The following ADAM23 variants were observed in gnomAD, a reference collection of about 807,000 sequenced individuals.
ADAM23 encodes ADAM metallopeptidase domain 23.
Under a neutral mutation model 120.1 loss-of-function variants are expected in ADAM23, and 33 were observed. The ratio of observed to expected loss-of-function variants is 0.27; its 90% confidence interval spans 0.21 to 0.37. The LOEUF (loss-of-function observed/expected upper bound fraction) is 0.37. Among genes scored for constraint, ADAM23 ranks in the 10% least tolerant of loss-of-function variants. The pLI is 1.00. For synonymous variants in ADAM23, 367 were observed against 375.2 expected (o/e 0.98, Z 0.25); for missense variants, 862 against 1,058.2 (o/e 0.81, Z 2.57).
chr2:206,462,001 T>C (rs1197469398), intron 2 of ADAM23, among the ~76,000 whole-genome samples: 1 of 152,132 alleles, frequency 6.6e-6, no homozygotes, highest in Non-Finnish European at 1.5e-5. Flanking sequence ...GGAACAGTGG[T>C]CAGCAGAGAG....
At chr2:206,451,265 A>T (rs751652499) in intron 2 of ADAM23, among the ~76,000 whole-genome samples, 1 of 152,204 alleles carries the variant, frequency 6.6e-6, no homozygotes, top group Non-Finnish European at 1.5e-5. Flanking sequence ...TCAAAGACAG[A>T]GTCTCACTCT....
intron 3 of ADAM23, among the ~76,000 whole-genome samples, chr2:206,490,642 G>C (rs1178259808): frequency 6.6e-6 from 1 of 152,180 alleles, no homozygotes; most frequent in South Asian, 2.1e-4. Context: ...ATATGTCCTA[G>C]AGGCCTGATA....
Position 206,560,050 on chromosome 2 carries a change from G to C in ADAM23, c.1101G>C (p.Gln367His). 1 of 1,614,168 alleles carries C rather than the reference G, an allele frequency of 6.2e-7. No homozygotes were observed. Among genetic ancestry groups the C allele is most frequent in the South Asian group, 1.1e-5 (1 of 91,078 alleles). The change falls in exon 11 of 26, where the codon CAG (glutamine) becomes CAC (histidine). Residue 367 changes from glutamine to histidine, a missense_variant. Around this residue, in one of 4 missense-constraint regions of ADAM23, gnomAD observed 617 missense variants for 813.5 expected, o/e 0.76. Transcript: ENST00000264377. ...TTGACATCACCACCAACCCTGTGCAGATGCTCCATGAGTTCTCAAAATACC... is the reference window on the plus strand; with the variant it reads ...TTGACATCACCACCAACCCTGTGCACATGCTCCATGAGTTCTCAAAATACC... Reference protein sequence around the residue: ...DQIDITTNPVQMLHEFSKYRQ... With the variant: ...DQIDITTNPVHMLHEFSKYRQ...
chr2:206,567,271 A>G lies in ADAM23; in HGVS notation c.1443A>G (p.Arg481=). ...KFSKCSILEY[R]DFLQRGGGAC... Reference sequence around the variant, plus strand: ...CAAAGTGCAGCATTTTGGAGTATAGAGACTTTTTACAGAGAGGAGGTGGAG... The same window carrying G: ...CAAAGTGCAGCATTTTGGAGTATAGGGACTTTTTACAGAGAGGAGGTGGAG... Residue 481 remains arginine (R), a synonymous_variant, in exon 15 of 26, where the codon AGA becomes AGG. Transcript: ENST00000264377. 6.2e-7 allele frequency: 1 copy of G among 1,614,008 alleles called. No individual in the cohort carries two copies. Among genetic ancestry groups the G allele is most frequent in the Non-Finnish European group, 8.5e-7 (1 of 1,179,918 alleles).
intron 3 of ADAM23, among the ~76,000 whole-genome samples, chr2:206,507,392 T>C (rs1696516921): frequency 6.6e-6 from 1 of 152,084 alleles, no homozygotes; most frequent in Admixed American, 6.6e-5. Flanking sequence ...TCTGGTTGTT[T>C]ATAAGTATGC....
chr2:206,528,178 A>ACT (rs1428695318), intron 3 of ADAM23, among the ~76,000 whole-genome samples: 2 of 152,220 alleles, frequency 1.3e-5, no homozygotes, highest in Non-Finnish European at 2.9e-5. Flanking sequence ...GAATGTAGTT[A>ACT]GGGAGACCTC....
rs528712759 is a variant in ADAM23, at chr2:206,475,474, G to T, written c.433-5758G>T. ...GAAAAACCTCTGTGATTGAAAAGAA[G>T]TGACTTCTTTTCCTCAAACTTATTT... On this transcript the variant is annotated intron_variant, in intron 2 of 25. Coordinates refer to ENST00000264377, the MANE Select transcript of ADAM23 (RefSeq NM_003812.4). 2.6e-5 allele frequency among the ~76,000 whole-genome samples: 4 copies of T among 151,978 alleles called. No homozygotes were observed. The South Asian group carries it at 8.3e-4, about 32-fold the overall frequency.
chr2:206,445,731 C>G (rs1695070899), intron 2 of ADAM23, among the ~76,000 whole-genome samples: 1 of 152,144 alleles, frequency 6.6e-6, no homozygotes, highest in African/African-American at 2.4e-5. Flanking sequence ...TAAACTGGAA[C>G]TAGAATTTTC....
chr2:206,576,721 T>G (rs1479385684), intron 18 of ADAM23, among the ~76,000 whole-genome samples: 2 of 152,190 alleles, frequency 1.3e-5, no homozygotes, highest in African/African-American at 2.4e-5. Context: ...GTGTTTTTCT[T>G]AATTTTTATA....
intron 3 of ADAM23, among the ~76,000 whole-genome samples, chr2:206,527,155 C>G (rs1489984403): frequency 1.3e-5 from 2 of 152,150 alleles, no homozygotes; most frequent in African/African-American, 4.8e-5. Flanking sequence ...CAGAGTTTGC[C>G]CACAAGTTGT....
At chr2:206,557,218 T>G (rs1039926211) in intron 9 of ADAM23, among the ~76,000 whole-genome samples, 1 of 152,166 alleles carries the variant, frequency 6.6e-6, no homozygotes, top group African/African-American at 2.4e-5. Context: ...TTGTGAGCCA[T>G]GCTGCCCAGC....
At chr2:206,536,444 G>C (rs1697178204) in intron 4 of ADAM23, among the ~76,000 whole-genome samples, 1 of 151,938 alleles carries the variant, frequency 6.6e-6, no homozygotes. Flanking sequence ...GGGTGGGAGT[G>C]GGGTGGTGGG....
chr2:206,509,908 T>C (rs1419714836), intron 3 of ADAM23, among the ~76,000 whole-genome samples: 1 of 152,250 alleles, frequency 6.6e-6, no homozygotes, highest in Non-Finnish European at 1.5e-5. Context: ...CCTTCTCTCC[T>C]CCTGAGCCCG....
intron 10 of ADAM23, among the ~76,000 whole-genome samples, chr2:206,558,929 G>A (rs1697703370): frequency 8.4e-6 from 1 of 118,382 alleles, no homozygotes; most frequent in South Asian, 2.7e-4. Context: ...GTTTTTGTTT[G>A]TTTGTTTGTT....
chr2:206,544,613 AT>A (rs58554638), intron 6 of ADAM23, among the ~76,000 whole-genome samples: 102,989 of 132,818 alleles, frequency 0.78, 39,909 homozygotes, highest in East Asian at 0.88. Flanking sequence ...GGAGAGTTAA[AT>A]TTTTTTTTTT....
chr2:206,579,586 A>G (rs971683064), intron 18 of ADAM23, among the ~76,000 whole-genome samples: 6 of 152,156 alleles, frequency 3.9e-5, no homozygotes, highest in Non-Finnish European at 8.8e-5. Flanking sequence ...CCATTGGTCT[A>G]TATGCCTATT....
intron 3 of ADAM23, among the ~76,000 whole-genome samples, chr2:206,505,597 C>T (rs538167786): frequency 2.0e-5 from 3 of 152,226 alleles, no homozygotes; most frequent in African/African-American, 7.2e-5. Flanking sequence ...AGGTTCCACA[C>T]ACTTTTAAAC....
At chr2:206,500,771 A>G (rs1696371771) in intron 3 of ADAM23, among the ~76,000 whole-genome samples, 1 of 152,114 alleles carries the variant, frequency 6.6e-6, no homozygotes, top group Non-Finnish European at 1.5e-5. Flanking sequence ...TCCTGCCAGC[A>G]TTTTTATCCA....
At chr2:206,607,882 G>GT (rs5838036) in intron 24 of ADAM23, 194,886 of 355,808 alleles carry the variant, frequency 0.55, 43,914 homozygotes, top group African/African-American at 0.63. Context: ...TCCATGGACA[G>GT]TTTTTTTTTT....
Sources: gnomAD v4.1 joint callset for allele counts (sites outside exome capture counted in the v4.1 genomes callset) on GRCh38, gnomAD v4.1.1 for gene constraint, gnomAD v4.1.1 regional missense constraint, MANE v1.5 for transcripts, NCBI Gene and HGNC (gene_info 2026-07-23, HGNC 2026-07-21) for gene names.